The following DDX31 variants were observed in gnomAD, a reference collection of about 807,000 sequenced individuals.
DDX31 encodes DEAD-box helicase 31.
A neutral mutation model predicts 91.3 loss-of-function variants in DDX31; 70 were observed. That is an observed-to-expected ratio of 0.77 (90% CI 0.63 to 0.94). The LOEUF (loss-of-function observed/expected upper bound fraction) is 0.94. Among genes scored for constraint, DDX31 ranks in the 40% least tolerant of loss-of-function variants. The probability of loss-of-function intolerance (pLI) is 0.00; values close to 1 mark genes in which losing one functional copy is unlikely to be tolerated. For missense variants in DDX31, 902 were observed against 925.0 expected, an observed-to-expected ratio of 0.98 and a Z score of 0.32; for synonymous variants, 362 against 350.6, an observed-to-expected ratio of 1.03 and a Z score of -0.36.
intron 18 of DDX31, among the ~76,000 whole-genome samples, chr9:132,616,657 A>G (rs918008102): frequency 4.6e-5 from 7 of 152,262 alleles, no homozygotes; most frequent in African/African-American, 1.7e-4. Context: ...GTAAAGTTAC[A>G]CTGTGACAAA....
chr9:132,601,962 T>C (rs1830746085), intron 19 of DDX31, among the ~76,000 whole-genome samples: 2 of 152,166 alleles, frequency 1.3e-5, no homozygotes, highest in African/African-American at 4.8e-5. Context: ...GTGTTATTAT[T>C]AACAGCACGA....
intron 1 of DDX31, among the ~76,000 whole-genome samples, chr9:132,664,708 C>T (rs1228400040): frequency 7.5e-6 from 1 of 132,556 alleles, no homozygotes; most frequent in Non-Finnish European, 1.6e-5. Context: ...CAGAGTAAGA[C>T]CCTCGCTCAA....
chr9:132,668,717 A>C (rs1312909453), intron 1 of DDX31, among the ~76,000 whole-genome samples: 3 of 151,786 alleles, frequency 2.0e-5, no homozygotes, highest in African/African-American at 7.3e-5. Flanking sequence ...ACAGGCGCCC[A>C]CCACCACGCC....
At position 132,630,256 on chromosome 9, in the gene DDX31, T is replaced by C. The variant is rs1464583388; in HGVS notation, c.1631+8A>G. 9 of 1,572,078 alleles carry C rather than the reference T, an allele frequency of 5.7e-6. No individual in the cohort carries two copies. The highest frequency in any genetic ancestry group is 7.8e-6 in the Non-Finnish European group (9 of 1,148,122). Reference sequence around the variant, plus strand: ...CCAGCCGAAACCCCATTCAGGTTTCTGACTCACTTGATTTTGTGAGAAGCC... The same window carrying C: ...CCAGCCGAAACCCCATTCAGGTTTCCGACTCACTTGATTTTGTGAGAAGCC... On this transcript the variant is annotated splice_region_variant and intron_variant, in intron 16 of 19. Coordinates refer to ENST00000372159, the MANE Select transcript of DDX31 (RefSeq NM_022779.9).
rs1285760679 is a variant in DDX31, at chr9:132,594,529, C to T, written c.*337G>A. ...AGCAATCAAGCCCGTTCCAGGCTGA[C>T]GCGCAGGGCGTTCTTACATCACATC... On this transcript the variant is annotated 3_prime_UTR_variant, in exon 20 of 20. Coordinates refer to ENST00000372159, the MANE Select transcript of DDX31 (RefSeq NM_022779.9). The T allele has an allele frequency of 3.4e-5, 8 of 236,786 alleles. No individual in the cohort carries two copies. Among genetic ancestry groups the T allele is most frequent in the Non-Finnish European group, 6.6e-5 (8 of 121,030 alleles). 14.7% of individuals were successfully genotyped at this position (236,786 alleles called of 1,614,324 possible). A position where few individuals can be genotyped will look rare whatever the true frequency, so the allele number is the denominator to read the frequency against.
At chr9:132,641,892 T>C in intron 14 of DDX31, 112 bp downstream of exon 14, 2 of 1,074,488 alleles carry the variant, frequency 1.9e-6, no homozygotes, top group Admixed American at 2.1e-5. Context: ...GGGCCCCTAG[T>C]GTTCCTGGGC....
intron 1 of DDX31, among the ~76,000 whole-genome samples, chr9:132,668,989 T>C (rs190794191): frequency 6.1e-4 from 85 of 140,330 alleles, no homozygotes; most frequent in African/African-American, 2.1e-3. Context: ...TAGGTAAATT[T>C]AAACATTTTC....
At chr9:132,618,019 GT>G (rs927078202) in intron 18 of DDX31, among the ~76,000 whole-genome samples, 3 of 152,134 alleles carry the variant, frequency 2.0e-5, no homozygotes, top group Admixed American at 2.0e-4. Flanking sequence ...CTTCTATCTG[GT>G]TTTCAAAGAA....
In DDX31 at chr9:132,612,125, A is replaced by G. The variant is rs1831376001; in HGVS notation, c.1956T>C (p.Ser652=). The stretch of plus-strand genomic sequence containing the variant: ...CTTTCCTCTTCTTTCTAGTCAAGGC[A>G]CTAAGATTCCTGGGGGCATCTCTTA... ...FGLRDAPRNL[S]ALTRKKRKAH... is the part of the protein sequence containing the mutation. The change falls in exon 19 of 20, where the codon AGT becomes AGC. Residue 652 remains serine (S), a synonymous_variant. Transcript: ENST00000372159. 2 of 1,614,168 alleles carry G rather than the reference A, an allele frequency of 1.2e-6. No individual in the cohort carries two copies. The highest frequency in any genetic ancestry group is 2.2e-5 in the East Asian group (1 of 44,884).
chr9:132,646,275 A>C (rs1204617283), intron 12 of DDX31, among the ~76,000 whole-genome samples: 2 of 152,186 alleles, frequency 1.3e-5, no homozygotes, highest in Admixed American at 6.5e-5. Flanking sequence ...CACAGCTATC[A>C]TTTCAAACAG....
At chr9:132,642,928 G>A (rs1833590095) in intron 13 of DDX31, among the ~76,000 whole-genome samples, 1 of 151,574 alleles carries the variant, frequency 6.6e-6, no homozygotes, top group Non-Finnish European at 1.5e-5. Flanking sequence ...GGGCTCAAGT[G>A]ATCCTCCCAC....
Position 132,658,920 on chromosome 9 carries a change from A to G in DDX31, c.524-185T>C, listed in dbSNP as rs557633764. Among the ~76,000 whole-genome samples, 192 of 152,302 alleles carry G rather than the reference A, an allele frequency of 1.3e-3. 1 individual carries two copies. The highest frequency in any genetic ancestry group is 3.4e-3 in the Middle Eastern group (1 of 294). ...CTTCCCCTGTCTGCCACAAATCCCA[A>G]TTTTGCTTTGTAAAATGAGTACTTC... On this transcript the variant is annotated intron_variant, in intron 5 of 19. Coordinates refer to ENST00000372159, the MANE Select transcript of DDX31 (RefSeq NM_022779.9).
rs1462459198 is a variant in DDX31, at chr9:132,593,767, G to A, written c.*1099C>T. 6.6e-6 allele frequency: 1 copy of A among 151,880 alleles called. No homozygotes were observed. Among genetic ancestry groups the A allele is most frequent in the African/African-American group, 2.4e-5 (1 of 41,290 alleles). The allele number at this position is 151,880 out of a possible 1,614,324, so 9.4% of individuals were successfully genotyped here. On this transcript the variant is annotated 3_prime_UTR_variant, in exon 20 of 20. Coordinates refer to ENST00000372159, the MANE Select transcript of DDX31 (RefSeq NM_022779.9). ...ACTCAGACCTTCCAAGGATCTGGGG[G>A]GATCTACTGAAGTGGTGCCTCAACA...
chr9:132,666,935 G>C (rs187594463), intron 1 of DDX31, among the ~76,000 whole-genome samples: 1 of 151,904 alleles, frequency 6.6e-6, no homozygotes, highest in African/African-American at 2.4e-5. Context: ...GGATGGTCTC[G>C]ATCTCCTGAC....
chr9:132,666,903 C>A (rs778864877), intron 1 of DDX31, among the ~76,000 whole-genome samples: 2 of 151,996 alleles, frequency 1.3e-5, no homozygotes, highest in East Asian at 3.9e-4. Flanking sequence ...TTAATAGAGA[C>A]GGGGTTTCAC....
chr9:132,642,083 T>C lies in DDX31; in HGVS notation c.1381-20A>G, dbSNP rs1194822481. The C allele has an allele frequency of 4.3e-6, 7 of 1,613,198 alleles. No homozygotes were observed. Among genetic ancestry groups the C allele is most frequent in the Non-Finnish European group, 5.1e-6 (6 of 1,179,346 alleles). On this transcript the variant is annotated intron_variant, in intron 13 of 19. Transcript: ENST00000372159. ...TCTTTCCTACAAAAACAAGGAAAAATAGAGCCTTACAACTCAGAGACAAAC... is the reference window on the plus strand; with the variant it reads ...TCTTTCCTACAAAAACAAGGAAAAACAGAGCCTTACAACTCAGAGACAAAC...
intron 16 of DDX31, 31 bp downstream of exon 16, chr9:132,630,233 A>G (rs781173884): frequency 3.9e-6 from 6 of 1,550,854 alleles, no homozygotes; most frequent in South Asian, 3.6e-5. Flanking sequence ...AGGTGAGACC[A>G]GCCGAAACCC....
chr9:132,651,611 C>T (rs1198885335), intron 7 of DDX31, among the ~76,000 whole-genome samples: 1 of 152,090 alleles, frequency 6.6e-6, no homozygotes, highest in Non-Finnish European at 1.5e-5. Context: ...GATGGTCGCT[C>T]CTCAAGTTTA....
At chr9:132,657,714 C>T (rs913691400) in intron 6 of DDX31, among the ~76,000 whole-genome samples, 44 of 152,144 alleles carry the variant, frequency 2.9e-4, no homozygotes, top group African/African-American at 1.0e-3. Flanking sequence ...TTTCTGGTCT[C>T]ACCACTCCCT....
Sources: gnomAD v4.1 joint callset for allele counts (sites outside exome capture counted in the v4.1 genomes callset) on GRCh38, gnomAD v4.1.1 for gene constraint, MANE v1.5 for transcripts, NCBI Gene and HGNC (gene_info 2026-07-23, HGNC 2026-07-21) for gene names.